RASGRP1: variants seen among roughly 807,000 people sequenced by gnomAD.
RASGRP1 encodes the protein RAS guanyl releasing protein 1, also known as RAS guanyl-releasing protein 1.
In RASGRP1, 37 loss-of-function variants were observed where a neutral mutation model predicts 95.1. That is an observed-to-expected ratio of 0.39 (90% confidence interval 0.30 to 0.51). RASGRP1 has a LOEUF of 0.51. Ranked by LOEUF, RASGRP1 falls within the 20% of genes least tolerant of loss-of-function variation. The pLI is 0.80. For synonymous variants in RASGRP1, 325 were observed against 353.4 expected, an observed-to-expected ratio of 0.92 and a Z score of 0.90; for missense variants, 711 against 965.4, an observed-to-expected ratio of 0.74 and a Z score of 3.49.
At position 38,542,837 on chromosome 15, in the gene RASGRP1, A is replaced by G. The variant is rs28410533; in HGVS notation, c.221-16433T>C. Among the ~76,000 whole-genome samples the G allele has an allele frequency of 2.9e-3, 370 of 127,262 alleles. 1 individual carries two copies. Among genetic ancestry groups the G allele is most frequent in the Non-Finnish European group, 4.3e-3 (270 of 62,744 alleles). The allele number at this position is 127,262 out of a possible 152,430, so 83.5% of individuals were successfully genotyped here. ...GTCAGATATATACATATATATGTGT[A>G]TATATATATATGTGTATATATATAC... On this transcript the variant is annotated intron_variant, in intron 2 of 16. Coordinates refer to ENST00000310803, the MANE Select transcript of RASGRP1 (RefSeq NM_005739.4).
At chr15:38,547,275 G>A (rs528137475) in intron 2 of RASGRP1, among the ~76,000 whole-genome samples, 21 of 152,118 alleles carry the variant, frequency 1.4e-4, no homozygotes, top group Non-Finnish European at 2.6e-4. Flanking sequence ...TGTAATGCAT[G>A]CCAACTCAAC....
At chr15:38,535,727 G>A (rs1026675415) in intron 2 of RASGRP1, among the ~76,000 whole-genome samples, 1 of 152,214 alleles carries the variant, frequency 6.6e-6, no homozygotes, top group Non-Finnish European at 1.5e-5. Context: ...TTTTTTGGAT[G>A]AGCAGTTGAA....
At chr15:38,511,557 A>G in intron 8 of RASGRP1, 47 bp downstream of exon 8, 1 of 1,436,696 alleles carries the variant, frequency 7.0e-7, no homozygotes, top group Non-Finnish European at 9.8e-7. Context: ...GTTGGCACAC[A>G]TCTTGAGAAT....
At chr15:38,550,551 T>C (rs181940717) in intron 2 of RASGRP1, among the ~76,000 whole-genome samples, 55 of 152,314 alleles carry the variant, frequency 3.6e-4, no homozygotes, top group African/African-American at 1.3e-3. Flanking sequence ...ACCTTCACTT[T>C]TATGTCCTAT....
In RASGRP1 at chr15:38,543,597, G is replaced by A. The variant is rs140317670; in HGVS notation, c.220+16224C>T. Among the ~76,000 whole-genome samples, 576 of 92,554 alleles carry A rather than the reference G, an allele frequency of 6.2e-3. 5 individuals are homozygous for A. Among genetic ancestry groups the A allele is most frequent in the African/African-American group, 0.023 (541 of 23,704 alleles). The allele number at this position is 92,554 out of a possible 152,430, so 60.7% of individuals were successfully genotyped here. ...TTTTTTTTTTCAGCATTTTCTCTCTGAGATATTGACCTGTCATTGACTTTA... is the reference window on the plus strand; with the variant it reads ...TTTTTTTTTTCAGCATTTTCTCTCTAAGATATTGACCTGTCATTGACTTTA... On this transcript the variant is annotated intron_variant, in intron 2 of 16. Transcript: ENST00000310803.
intron 1 of RASGRP1, among the ~76,000 whole-genome samples, chr15:38,563,667 C>G (rs565168202): frequency 6.6e-6 from 1 of 152,282 alleles, no homozygotes; most frequent in Non-Finnish European, 1.5e-5. Context: ...ACTCCTCCTT[C>G]TGAATCTAGT....
At chr15:38,509,530 C>A (rs1010200325) in intron 8 of RASGRP1, among the ~76,000 whole-genome samples, 10 of 152,136 alleles carry the variant, frequency 6.6e-5, no homozygotes, top group African/African-American at 2.4e-4. Flanking sequence ...AGTTCAAGAC[C>A]AGCCTGGCTA....
At chr15:38,522,236 T>C (rs569787717) in intron 3 of RASGRP1, among the ~76,000 whole-genome samples, 1 of 152,306 alleles carries the variant, frequency 6.6e-6, no homozygotes, top group South Asian at 2.1e-4. Context: ...TACAAAAATA[T>C]ATCTTTCTTA....
At chr15:38,516,487 C>A in intron 5 of RASGRP1, 137 bp from the exon 6 acceptor site, 1 of 1,100,394 alleles carries the variant, frequency 9.1e-7, no homozygotes, top group South Asian at 1.4e-5. Context: ...CAAAACAGTG[C>A]ATTCACAGAG....
chr15:38,517,006 A>G (rs949107903), intron 5 of RASGRP1, among the ~76,000 whole-genome samples: 6 of 152,168 alleles, frequency 3.9e-5, no homozygotes, highest in Admixed American at 2.0e-4. Context: ...TTCACTAAAC[A>G]AGCAAAGGGA....
intron 2 of RASGRP1, chr15:38,534,467 A>G (rs1248296024): frequency 6.6e-6 from 1 of 151,636 alleles, no homozygotes; most frequent in Non-Finnish European, 1.5e-5. Flanking sequence ...AGCTCTGAAT[A>G]TCTTGGTTAC....
intron 2 of RASGRP1, 35 bp from the exon 3 acceptor site, chr15:38,526,439 C>A (rs1355601585): frequency 6.4e-7 from 1 of 1,560,344 alleles, no homozygotes; most frequent in Non-Finnish European, 8.8e-7. Flanking sequence ...GAGTTAGGCC[C>A]TGGAGGGAAA....
Position 38,488,156 on chromosome 15 carries a change from C to A in RASGRP1, c.*2398G>T, listed in dbSNP as rs184964882. The A allele has an allele frequency of 1.3e-5, 2 of 152,088 alleles. No homozygotes were observed. The highest frequency in any genetic ancestry group is 4.8e-5 in the African/African-American group (2 of 41,548). The allele number at this position is 152,088 out of a possible 1,614,324, so 9.4% of individuals were successfully genotyped here. A position where few individuals can be genotyped will look rare whatever the true frequency, so the allele number is the denominator to read the frequency against. ...ATAAATATTACACAAAGAAAACTTA[C>A]ATTAGGTATCAAAAAACTTTACAAT... On this transcript the variant is annotated 3_prime_UTR_variant, in exon 17 of 17. Transcript: ENST00000310803.
chr15:38,509,338 C>T (rs1037670557), intron 8 of RASGRP1, among the ~76,000 whole-genome samples: 12 of 152,290 alleles, frequency 7.9e-5, no homozygotes, highest in South Asian at 6.2e-4. Context: ...ATGACCAAGA[C>T]GGCTACTTAG....
At chr15:38,507,300 G>A (rs1891298358) in intron 9 of RASGRP1, among the ~76,000 whole-genome samples, 1 of 151,994 alleles carries the variant, frequency 6.6e-6, no homozygotes, top group African/African-American at 2.4e-5. Context: ...TCTAAGCCAG[G>A]AACCAAATAA....
At chr15:38,514,030 G>A (rs888319565) in intron 6 of RASGRP1, among the ~76,000 whole-genome samples, 14 of 151,954 alleles carry the variant, frequency 9.2e-5, no homozygotes, top group African/African-American at 3.1e-4. Flanking sequence ...GGGGAACTCT[G>A]ATCAGCCTCT....
At chr15:38,494,913 G>C (rs938256836) in intron 15 of RASGRP1, 146 bp from the exon 16 acceptor site, 2 of 720,842 alleles carry the variant, frequency 2.8e-6, no homozygotes, top group Non-Finnish European at 3.9e-6. Context: ...CCCAGTTTAG[G>C]GGGTGAGGGC....
chr15:38,499,972 C>T, intron 14 of RASGRP1, 131 bp downstream of exon 14: 3 of 857,196 alleles, frequency 3.5e-6, no homozygotes, highest in Non-Finnish European at 5.6e-6. Flanking sequence ...CCTTAGGCCT[C>T]ACCAGCCCTG....
chr15:38,550,027 G>A (rs1263802290), intron 2 of RASGRP1, among the ~76,000 whole-genome samples: 3 of 151,934 alleles, frequency 2.0e-5, no homozygotes, highest in Non-Finnish European at 4.4e-5. Context: ...AGAGGACGAG[G>A]CAGGTGGATC....
Sources: allele counts gnomAD v4.1 joint callset (sites outside exome capture counted in the v4.1 genomes callset), GRCh38; gene constraint gnomAD v4.1.1; transcripts MANE v1.5; gene names NCBI Gene and HGNC (gene_info 2026-07-23, HGNC 2026-07-21).